The following DMTN variants were observed in gnomAD, a reference collection of about 807,000 sequenced individuals.
The protein encoded by DMTN is dematin.
DMTN carries 27 observed loss-of-function variants against 59.4 expected under a neutral mutation model. The observed-to-expected ratio is 0.45, with a 90% CI of 0.33 to 0.63. The LOEUF is 0.63. DMTN is among the 20% of genes least tolerant of loss of function. The probability of loss-of-function intolerance (pLI) is 0.02; values close to 1 mark genes in which losing one functional copy is unlikely to be tolerated. For missense variants in DMTN, 451 were observed against 528.9 expected (o/e 0.85, Z 1.45); for synonymous variants, 221 against 203.7 (o/e 1.08, Z -0.72).
Position 22,067,602 on chromosome 8 carries a change from G to T in DMTN, c.169G>T (p.Glu57Ter), listed in dbSNP as rs1444401099. The change falls in exon 4 of 16, where the codon GAG becomes TAG. Residue 57 changes from glutamate to a stop codon, truncating the protein, a stop_gained. Coordinates refer to ENST00000358242, the MANE Select transcript of DMTN (RefSeq NM_001387751.1). LOFTEE classifies it high-confidence loss of function. ...IPKDKAILDI[E>*]RPDLMIYEPH... is the part of the protein sequence containing the mutation. ...CAAGGACAAGGCCATCCTGGACATC[G>T]AGCGGCCCGACCTCATGATCTACGA... 2 of 1,614,164 alleles carry T rather than the reference G, an allele frequency of 1.2e-6. No homozygotes were observed. Among genetic ancestry groups the T allele is most frequent in the Non-Finnish European group, 1.7e-6 (2 of 1,180,040 alleles).
chr8:22,066,780 G>A lies in DMTN; in HGVS notation c.-96G>A, dbSNP rs1233939050. ...GCCAGCTGCTTTCGCGGCCCCAAGC[G>A]CGCAGCGCCCAGCAGCCGCGCCGAG... On this transcript the variant is annotated 5_prime_UTR_variant, in exon 2 of 16. Coordinates refer to ENST00000358242, the MANE Select transcript of DMTN (RefSeq NM_001387751.1). 21 of 1,329,714 alleles carry A rather than the reference G, an allele frequency of 1.6e-5. No individual in the cohort carries two copies. The highest frequency in any genetic ancestry group is 2.0e-5 in the Non-Finnish European group (20 of 1,022,040). 82.4% of individuals were successfully genotyped at this position (1,329,714 alleles called of 1,614,324 possible).
chr8:22,067,817 C>T (rs1240443359), intron 4 of DMTN, 135 bp downstream of exon 4: 1 of 1,053,274 alleles, frequency 9.5e-7, no homozygotes, highest in African/African-American at 1.6e-5. Flanking sequence ...TGCGCAGGAA[C>T]CAACCAGTCA....
rs766180402 is a variant in DMTN, at chr8:22,080,835, C to T, written c.988C>T (p.Arg330Trp). 8 of 1,597,510 alleles carry T rather than the reference C, an allele frequency of 5.0e-6. No individual in the cohort carries two copies. The highest frequency in any genetic ancestry group is 6.8e-6 in the Non-Finnish European group (8 of 1,169,364). The change falls in exon 14 of 16, where the codon CGG (arginine) becomes TGG (tryptophan). Residue 330 changes from arginine (R) to tryptophan (W), a missense_variant. Arg to Trp is a moderately radical substitution (Grantham distance 101, BLOSUM62 -3). Transcript: ENST00000358242. ...AGAGGGCCAGAGGGGGAGGATGGAC[C>T]GGGGGAACTCCCTGCCCTGTGTGCT... ...NGEGQRGRMDRGNSLPCVLEQ... is the reference protein window; with the variant it reads ...NGEGQRGRMDWGNSLPCVLEQ...
chr8:22,079,277 AAT>A (rs1180466614), intron 10 of DMTN, among the ~76,000 whole-genome samples: 14 of 27,672 alleles, frequency 5.1e-4, no homozygotes, highest in Non-Finnish European at 4.8e-4. Flanking sequence ...TAAATAAATA[AAT>A]ATATATATAT....
upstream of DMTN, among the ~76,000 whole-genome samples, chr8:22,050,955 A>C (rs938168095): frequency 6.6e-6 from 1 of 152,204 alleles, no homozygotes; most frequent in East Asian, 1.9e-4. Flanking sequence ...AAGAAGCCAC[A>C]AGAATAGATC....
intron 4 of DMTN, among the ~76,000 whole-genome samples, chr8:22,068,305 G>C (rs1186231371): frequency 6.6e-6 from 1 of 152,232 alleles, no homozygotes; most frequent in East Asian, 1.9e-4. Context: ...GCTAGGCACG[G>C]TGGCTCACAC....
At chr8:22,078,798 G>GTTTTTTTT (rs1224977627) in intron 10 of DMTN, among the ~76,000 whole-genome samples, 49,705 of 84,886 alleles carry the variant, frequency 0.59, 17,878 homozygotes, top group South Asian at 0.62. Context: ...ATGTCAGACT[G>GTTTTTTTT]TTTTTTTTTT....
intron 14 of DMTN, 21 bp from the exon 15 acceptor site, chr8:22,081,092 T>TGGGGGTCG: frequency 6.5e-7 from 1 of 1,547,318 alleles, no homozygotes; most frequent in Non-Finnish European, 8.9e-7. Context: ...AGCCTAAGAT[T>TGGGGGTCG]GCCCCTCCCC....
At chr8:22,073,107 C>A (rs994828581) in intron 9 of DMTN, among the ~76,000 whole-genome samples, 15 of 152,184 alleles carry the variant, frequency 9.9e-5, no homozygotes, top group African/African-American at 3.6e-4. Flanking sequence ...TGACATGGGC[C>A]TAGGCTCTGA....
intron 1 of DMTN, among the ~76,000 whole-genome samples, chr8:22,061,155 C>A (rs575939194): frequency 1.4e-4 from 21 of 151,510 alleles, no homozygotes; most frequent in Non-Finnish European, 8.8e-5. Flanking sequence ...TTGTGGAGTA[C>A]TCCTGTAGTC....
chr8:22,068,886 C>A, intron 4 of DMTN, 130 bp from the exon 5 acceptor site: 1 of 1,047,004 alleles, frequency 9.6e-7, no homozygotes. Flanking sequence ...TCCAAGAAAG[C>A]AGAGGTGGCC....
rs762863849 is a variant in DMTN at position 22,069,944 on chromosome 8, G to A, written c.451+7G>A. The A allele has an allele frequency of 6.8e-6, 11 of 1,613,940 alleles. No individual in the cohort carries two copies. The highest frequency in any genetic ancestry group is 9.3e-6 in the Non-Finnish European group (11 of 1,179,922). On this transcript the variant is annotated splice_region_variant and intron_variant, in intron 7 of 15. Transcript: ENST00000358242. ...CCCATCTATAAGCAGAGAGGTGAGG[G>A]CGCCCCTGGCTCACCAGAGCCTGCT...
intron 8 of DMTN, among the ~76,000 whole-genome samples, chr8:22,070,575 A>T (rs920037790): frequency 1.3e-5 from 2 of 151,966 alleles, no homozygotes; most frequent in Non-Finnish European, 2.9e-5. Flanking sequence ...TTATTTCCTG[A>T]CTCAACAGAC....
chr8:22,051,203 G>GGCGGCA (rs1379267859), upstream of DMTN, among the ~76,000 whole-genome samples: 1 of 152,122 alleles, frequency 6.6e-6, no homozygotes, highest in East Asian at 1.9e-4. Flanking sequence ...GGAGGGAGGT[G>GGCGGCA]GCGGCAGCGG....
At chr8:22,075,702 A>G (rs1410162469) in intron 10 of DMTN, among the ~76,000 whole-genome samples, 2 of 152,126 alleles carry the variant, frequency 1.3e-5, no homozygotes, top group East Asian at 3.9e-4. Flanking sequence ...TATTTTTATT[A>G]GAGACGGGGT....
chr8:22,057,865 G>T (rs1016257234), intron 1 of DMTN: 3 of 152,426 alleles, frequency 2.0e-5, no homozygotes, highest in Non-Finnish European at 4.4e-5. Context: ...CCAGGGACCA[G>T]TTGCCTGGTT....
intron 7 of DMTN, 87 bp from the exon 8 acceptor site, chr8:22,070,095 C>A (rs1585962399): frequency 1.3e-6 from 2 of 1,552,544 alleles, no homozygotes; most frequent in Non-Finnish European, 8.7e-7. Flanking sequence ...ACCTGCAGGA[C>A]CTCACAGGTG....
intron 4 of DMTN, 82 bp from the exon 5 acceptor site, chr8:22,068,934 G>A (rs1030663771): frequency 6.0e-6 from 9 of 1,496,160 alleles, no homozygotes; most frequent in Admixed American, 5.1e-5. Flanking sequence ...TTTGGGTGGG[G>A]GATGAGGTGG....
In DMTN at chr8:22,070,292, G is replaced by A. The variant is rs762699437; in HGVS notation, c.562G>A (p.Glu188Lys). ...PPDPNQPAKI[E>K]TDYWPCPPSL... ...AGACCCCAACCAGCCAGCCAAAATC[G>A]AAACCGACTACTGGCCATGCCCCCC... Residue 188 changes from glutamate to lysine, a missense_variant, in exon 8 of 16, where the codon GAA (glutamate) becomes AAA (lysine). By Grantham distance (56) the Glu-to-Lys change is moderately conservative. Coordinates refer to ENST00000358242, the MANE Select transcript of DMTN (RefSeq NM_001387751.1). The A allele has an allele frequency of 3.1e-6, 5 of 1,613,476 alleles. No homozygotes were observed. Among genetic ancestry groups the A allele is most frequent in the East Asian group, 2.2e-5 (1 of 44,854 alleles).
Sources: gnomAD v4.1 joint callset for allele counts (sites outside exome capture counted in the v4.1 genomes callset) on GRCh38, gnomAD v4.1.1 for gene constraint, MANE v1.5 for transcripts, NCBI Gene and HGNC (gene_info 2026-07-23, HGNC 2026-07-21) for gene names.